The following RARB variants were observed in gnomAD, a reference collection of about 807,000 sequenced individuals.
The protein encoded by RARB is retinoic acid receptor beta.
In RARB, 17 loss-of-function variants were observed where a neutral mutation model predicts 51.9. The ratio of observed to expected loss-of-function variants is 0.33; its 90% confidence interval spans 0.22 to 0.49. The LOEUF is 0.49. RARB is among the 20% of genes least tolerant of loss of function. The pLI is 0.99. For missense variants in RARB, 369 were observed against 550.8 expected, an observed-to-expected ratio of 0.67 and a Z score of 3.30; for synonymous variants, 215 against 195.4, an observed-to-expected ratio of 1.10 and a Z score of -0.84.
intron 5 of RARB, among the ~76,000 whole-genome samples, chr3:25,214,907 G>A (rs112889719): frequency 4.7e-4 from 72 of 152,274 alleles, no homozygotes; most frequent in Non-Finnish European, 7.1e-4. Context: ...TTACCTCAGG[G>A]AAGAGTCACA....
At chr3:25,447,388 T>C (rs1428400453) in intron 1 of RARB, among the ~76,000 whole-genome samples, 1 of 152,196 alleles carries the variant, frequency 6.6e-6, no homozygotes, top group Non-Finnish European at 1.5e-5. Context: ...GCTGGGGCCA[T>C]GTTTGCCTTG....
chr3:25,570,002 AC>A, intron 4 of RARB, 84 bp downstream of exon 4: 1 of 1,422,940 alleles, frequency 7.0e-7, no homozygotes, highest in Non-Finnish European at 9.5e-7. Flanking sequence ...ACACACACAC[AC>A]ACACACACAC....
chr3:25,104,606 T>C (rs1699463590), intron 3 of RARB, among the ~76,000 whole-genome samples: 2 of 152,180 alleles, frequency 1.3e-5, no homozygotes, highest in Admixed American at 1.3e-4. Context: ...ATTGTGCCAC[T>C]GCACTCCAGC....
intron 2 of RARB, among the ~76,000 whole-genome samples, chr3:25,037,818 T>C (rs1048351717): frequency 2.0e-5 from 3 of 152,094 alleles, no homozygotes; most frequent in African/African-American, 7.2e-5. Context: ...GTACAAGGTG[T>C]CCTTTGTGTT....
chr3:25,446,536 G>T (rs1708940134), intron 1 of RARB, among the ~76,000 whole-genome samples: 1 of 152,166 alleles, frequency 6.6e-6, no homozygotes, highest in South Asian at 2.1e-4. Context: ...GGGCGCAGTG[G>T]CTCACGCCTG....
chr3:25,428,376 G>C lies in RARB; in HGVS notation c.-356G>C. On this transcript the variant is annotated 5_prime_UTR_variant, in exon 1 of 8. Coordinates refer to ENST00000330688, the MANE Select transcript of RARB (RefSeq NM_000965.5). ...GTTTGAGGACTGGGATGCCGAGAAC[G>C]CGAGCGATCCGAGCAGGGTTTGTCT... 8.0e-7 allele frequency: 1 copy of C among 1,248,076 alleles called. No individual in the cohort carries two copies. The highest frequency in any genetic ancestry group is 1.0e-6 in the Non-Finnish European group (1 of 997,500). 77.3% of individuals were successfully genotyped at this position (1,248,076 alleles called of 1,614,324 possible).
At chr3:25,491,627 G>A (rs147469214) in intron 2 of RARB, among the ~76,000 whole-genome samples, 1 of 152,318 alleles carries the variant, frequency 6.6e-6, no homozygotes, top group African/African-American at 2.4e-5. Context: ...AAATGAAAAT[G>A]CTTGTCTCTT....
chr3:25,113,101 A>C (rs1482650030), intron 3 of RARB, among the ~76,000 whole-genome samples: 1 of 151,916 alleles, frequency 6.6e-6, no homozygotes, highest in Non-Finnish European at 1.5e-5. Flanking sequence ...CATTTGCTTT[A>C]TTTTTGTTCT....
At chr3:25,443,449 G>C (rs1708789779) in intron 1 of RARB, among the ~76,000 whole-genome samples, 1 of 151,556 alleles carries the variant, frequency 6.6e-6, no homozygotes, top group South Asian at 2.1e-4. Context: ...CCTAGAAATG[G>C]TGTGAAGAAA....
intron 5 of RARB, among the ~76,000 whole-genome samples, chr3:25,376,566 T>C (rs1706466639): frequency 6.6e-6 from 1 of 152,120 alleles, no homozygotes; most frequent in African/African-American, 2.4e-5. Context: ...GGAAACTGGT[T>C]TTTGCTGACA....
At chr3:24,958,402 T>C (rs1199209131) in intron 2 of RARB, among the ~76,000 whole-genome samples, 1 of 151,810 alleles carries the variant, frequency 6.6e-6, no homozygotes, top group African/African-American at 2.4e-5. Context: ...TGTTCTTAAT[T>C]AGTCATTTGG....
chr3:25,112,093 G>A lies in RARB; in HGVS notation c.-327-20068G>A, dbSNP rs192661289. Among the ~76,000 whole-genome samples, 24 of 152,214 alleles carry A rather than the reference G, an allele frequency of 1.6e-4. 1 individual carries two copies. The highest frequency in any genetic ancestry group is 3.3e-4 in the Admixed American group (5 of 15,288). ...GGCAGCTGTTCGGTGTTTTGATTAT[G>A]ATAATAATTTTAAATAAAAGAACAG... On this transcript the variant is annotated intron_variant, in intron 3 of 11. Coordinates refer to the RARB transcript ENST00000383772.
At chr3:25,034,065 G>A (rs1021344528) in intron 2 of RARB, among the ~76,000 whole-genome samples, 1 of 152,130 alleles carries the variant, frequency 6.6e-6, no homozygotes, top group African/African-American at 2.4e-5. Flanking sequence ...GTGTTTTTGA[G>A]CCTCTGCTCC....
At chr3:25,301,378 C>G (rs769340217) in intron 5 of RARB, among the ~76,000 whole-genome samples, 28 of 152,228 alleles carry the variant, frequency 1.8e-4, no homozygotes, top group Non-Finnish European at 3.4e-4. Context: ...TGAGGCAGCC[C>G]TAGGGCACTG....
At chr3:25,120,038 T>C (rs1699754484) in intron 3 of RARB, among the ~76,000 whole-genome samples, 1 of 152,052 alleles carries the variant, frequency 6.6e-6, no homozygotes. Flanking sequence ...ATCACAGGAA[T>C]TGGTATGCCT....
chr3:24,892,541 T>C (rs1703405928), intron 2 of RARB, among the ~76,000 whole-genome samples: 1 of 152,222 alleles, frequency 6.6e-6, no homozygotes, highest in African/African-American at 2.4e-5. Context: ...TATGAGGCTT[T>C]TGCAAATTTG....
At chr3:25,422,573 C>G (rs1707889421) in intron 5 of RARB, among the ~76,000 whole-genome samples, 1 of 151,942 alleles carries the variant, frequency 6.6e-6, no homozygotes, top group South Asian at 2.1e-4. Context: ...TATCTGCACA[C>G]ATTTTGAAGG....
chr3:24,995,145 T>C (rs950070946), intron 2 of RARB, among the ~76,000 whole-genome samples: 1 of 152,086 alleles, frequency 6.6e-6, no homozygotes, highest in African/African-American at 2.4e-5. Flanking sequence ...TCCATTTGTT[T>C]ATATCCTCTT....
chr3:24,991,228 G>A (rs1696902898), intron 2 of RARB, among the ~76,000 whole-genome samples: 1 of 152,188 alleles, frequency 6.6e-6, no homozygotes, highest in Non-Finnish European at 1.5e-5. Flanking sequence ...ATCACCTGAG[G>A]TCAGGAGTTC....
Sources: gnomAD v4.1 joint callset for allele counts (sites outside exome capture counted in the v4.1 genomes callset) on GRCh38, gnomAD v4.1.1 for gene constraint, MANE v1.5 for transcripts, NCBI Gene and HGNC (gene_info 2026-07-23, HGNC 2026-07-21) for gene names.